NBAS: variants seen among roughly 807,000 people sequenced by gnomAD.
NBAS encodes the protein NAG/BC035112 fusion.
Under a neutral mutation model 302.5 loss-of-function variants are expected in NBAS, and 219 were observed. That is an observed-to-expected ratio of 0.72 (90% CI 0.65 to 0.81). The LOEUF is 0.81. NBAS is among the 30% of genes least tolerant of loss of function. NBAS has a pLI of 0.00. For missense variants in NBAS, 2,932 were observed against 2,841.6 expected, an observed-to-expected ratio of 1.03 and a Z score of -0.72; for synonymous variants, 1,118 against 1,021.6, an observed-to-expected ratio of 1.09 and a Z score of -1.80.
At chr2:15,303,945 G>A (rs1670920030) in intron 40 of NBAS, among the ~76,000 whole-genome samples, 1 of 152,104 alleles carries the variant, frequency 6.6e-6, no homozygotes, top group Non-Finnish European at 1.5e-5. Context: ...TATGGATTTA[G>A]AGCAAGCAGC....
At chr2:15,376,579 GAGATA>G (rs1437377962) in intron 30 of NBAS, among the ~76,000 whole-genome samples, 3 of 152,104 alleles carry the variant, frequency 2.0e-5, no homozygotes, top group South Asian at 2.1e-4. Flanking sequence ...AATTCCTTCT[GAGATA>G]AGATATCACC....
At chr2:15,534,466 T>C in intron 9 of NBAS, 77 bp downstream of exon 9, 1 of 1,049,464 alleles carries the variant, frequency 9.5e-7, no homozygotes, top group Non-Finnish European at 1.5e-6. Flanking sequence ...AACATAAGAA[T>C]CAGAATAGTT....
intron 1 of NBAS, among the ~76,000 whole-genome samples, chr2:15,559,658 A>G (rs1412226148): frequency 1.3e-5 from 2 of 152,250 alleles, no homozygotes; most frequent in Admixed American, 6.5e-5. Context: ...CCAAGAGCTT[A>G]TAATTCAACA....
At chr2:15,416,711 C>G (rs938661444) in intron 24 of NBAS, among the ~76,000 whole-genome samples, 1 of 150,536 alleles carries the variant, frequency 6.6e-6, no homozygotes, top group African/African-American at 2.4e-5. Context: ...GAGGCTGAGG[C>G]AGGAGAATCG....
chr2:15,349,369 G>A (rs1673243912), intron 35 of NBAS, among the ~76,000 whole-genome samples: 1 of 152,194 alleles, frequency 6.6e-6, no homozygotes. Flanking sequence ...GCAAAGAAAT[G>A]TAATGTGTTT....
At chr2:15,084,342 C>A in the NBAS span, among the ~76,000 whole-genome samples, 1 of 152,168 alleles carries the variant, frequency 6.6e-6, no homozygotes, top group Non-Finnish European at 1.5e-5. Flanking sequence ...GTATTACAGG[C>A]GTAAGCCACA....
the NBAS span, among the ~76,000 whole-genome samples, chr2:14,830,173 CT>C: frequency 6.6e-5 from 10 of 152,300 alleles, no homozygotes; most frequent in East Asian, 1.5e-3. Context: ...TAAATAGCTT[CT>C]GTTATACAAT....
At chr2:15,458,445 T>C (rs567624248) in intron 21 of NBAS, among the ~76,000 whole-genome samples, 2 of 152,136 alleles carry the variant, frequency 1.3e-5, no homozygotes, top group African/African-American at 4.8e-5. Context: ...TTCAGCACCA[T>C]CCCCTTGGTG....
At chr2:14,801,610 T>C in the NBAS span, among the ~76,000 whole-genome samples, 365 of 152,288 alleles carry the variant, frequency 2.4e-3, no homozygotes, top group African/African-American at 8.0e-3. Flanking sequence ...ATCATTCTAT[T>C]CCCTGTAATT....
At chr2:15,223,478 G>C (rs1454044552) in intron 47 of NBAS, among the ~76,000 whole-genome samples, 1 of 152,058 alleles carries the variant, frequency 6.6e-6, no homozygotes, top group African/African-American at 2.4e-5. Flanking sequence ...TGAAAGCAAG[G>C]AGAGGACTTA....
intron 6 of NBAS, among the ~76,000 whole-genome samples, chr2:15,542,935 T>C (rs913045077): frequency 7.2e-5 from 11 of 152,246 alleles, no homozygotes; most frequent in Admixed American, 2.0e-4. Context: ...GCAGGTGTTT[T>C]GACCTAGATA....
chr2:15,047,516 G>C, the NBAS span, among the ~76,000 whole-genome samples: 1 of 152,108 alleles, frequency 6.6e-6, no homozygotes, highest in Non-Finnish European at 1.5e-5. Flanking sequence ...GCAAGTGAAG[G>C]CTGGGCCCGG....
chr2:15,163,275 C>T (rs768171120), downstream of NBAS, among the ~76,000 whole-genome samples: 13 of 152,234 alleles, frequency 8.5e-5, no homozygotes, highest in Non-Finnish European at 1.9e-4. Flanking sequence ...CGCTTCCCAG[C>T]AGGCCTTTCC....
chr2:15,166,680 C>T (rs967299680), downstream of NBAS, among the ~76,000 whole-genome samples: 1 of 152,156 alleles, frequency 6.6e-6, no homozygotes, highest in African/African-American at 2.4e-5. Flanking sequence ...TGACACCTGC[C>T]TTGACCGCCA....
intron 42 of NBAS, among the ~76,000 whole-genome samples, chr2:15,286,619 A>G (rs537423349): frequency 1.3e-5 from 2 of 152,318 alleles, no homozygotes; most frequent in South Asian, 4.1e-4. Context: ...TTCTGTCGTT[A>G]ATTCCAACCC....
chr2:15,099,879 A>T, the NBAS span, among the ~76,000 whole-genome samples: 1 of 152,218 alleles, frequency 6.6e-6, no homozygotes, highest in Non-Finnish European at 1.5e-5. Flanking sequence ...AATAAATCAA[A>T]ATGCATTCTT....
intron 45 of NBAS, 77 bp from the exon 46 acceptor site, chr2:15,234,824 T>G (rs1667524028): frequency 6.9e-7 from 1 of 1,453,504 alleles, no homozygotes; most frequent in Non-Finnish European, 9.6e-7. Flanking sequence ...TGAAACATAT[T>G]TAGATCCTCG....
At chr2:15,032,417 G>T in the NBAS span, among the ~76,000 whole-genome samples, 528 of 152,266 alleles carry the variant, frequency 3.5e-3, 5 homozygotes, top group East Asian at 0.038. Flanking sequence ...AAATAACTTT[G>T]CCCAATTTTA....
rs571048760 is a variant in NBAS at position 15,325,069 on chromosome 2, A to ACT, written c.4582+2679_4582+2680dup. On this transcript the variant is annotated intron_variant, in intron 38 of 51. Coordinates refer to ENST00000281513, the MANE Select transcript of NBAS (RefSeq NM_015909.4). ...CTGAGAAATCAGTTTGAGAGAGTCT[A>ACT]CTCCAAGAAAGCAGCCATCTTTAAG... Among the ~76,000 whole-genome samples the ACT allele has an allele frequency of 2.0e-4, 31 of 152,256 alleles. No homozygotes were observed. The South Asian group carries it at 6.4e-3, about 32-fold the overall frequency.
Sources: gnomAD v4.1 joint callset for allele counts (sites outside exome capture counted in the v4.1 genomes callset) on GRCh38, gnomAD v4.1.1 for gene constraint, MANE v1.5 for transcripts, NCBI Gene and HGNC (gene_info 2026-07-23, HGNC 2026-07-21) for gene names.